The following CDH12 variants were observed in gnomAD, a reference collection of about 807,000 sequenced individuals.
CDH12 encodes cadherin-12.
A neutral mutation model predicts 74.1 loss-of-function variants in CDH12; 41 were observed. That is an observed-to-expected ratio of 0.55 (90% CI 0.43 to 0.72). The LOEUF is 0.72. Ranked by LOEUF, CDH12 falls within the 30% of genes least tolerant of loss-of-function variation. CDH12 has a pLI of 0.00. For missense variants in CDH12, 945 were observed against 977.2 expected (o/e 0.97, Z 0.44); for synonymous variants, 399 against 355.0 (o/e 1.12, Z -1.39).
intron 1 of CDH12, among the ~76,000 whole-genome samples, chr5:22,726,664 G>T (rs1014833310): frequency 6.6e-6 from 1 of 151,766 alleles, no homozygotes; most frequent in Non-Finnish European, 1.5e-5. Context: ...TTATAAGTGT[G>T]TAGTGTCACA....
At chr5:22,558,839 T>A (rs946362461) in intron 1 of CDH12, among the ~76,000 whole-genome samples, 2 of 152,044 alleles carry the variant, frequency 1.3e-5, no homozygotes, top group Non-Finnish European at 2.9e-5. Flanking sequence ...AACAATGTGC[T>A]TTGAAAGAAG....
At chr5:22,282,532 T>C (rs1046945479) in intron 3 of CDH12, among the ~76,000 whole-genome samples, 1 of 151,248 alleles carries the variant, frequency 6.6e-6, no homozygotes, top group Admixed American at 6.6e-5. Context: ...TACAAGGAAC[T>C]TAAATTTACA....
rs184333061 is a variant in CDH12 at position 21,993,642 on chromosome 5, C to T, written c.232-18257G>A. 4.0e-3 allele frequency among the ~76,000 whole-genome samples: 605 copies of T among 152,254 alleles called. 10 individuals are homozygous for T. Among genetic ancestry groups the T allele is most frequent in the African/African-American group, 0.014 (572 of 41,546 alleles). The stretch of plus-strand genomic sequence containing the variant: ...AGAGCAAGGAAGTGTCTTCTATCAA[C>T]AATATGAATTATCTTCAAAGCTGCT... On this transcript the variant is annotated intron_variant, in intron 5 of 14. Coordinates refer to ENST00000382254, the MANE Select transcript of CDH12 (RefSeq NM_004061.5).
chr5:22,793,543 C>T (rs561141325), intron 1 of CDH12, among the ~76,000 whole-genome samples: 2 of 152,286 alleles, frequency 1.3e-5, no homozygotes, highest in East Asian at 1.9e-4. Context: ...TACATTTTAT[C>T]ATAAACTTCT....
chr5:22,813,753 C>G (rs1324650319), intron 1 of CDH12, among the ~76,000 whole-genome samples: 1 of 152,042 alleles, frequency 6.6e-6, no homozygotes, highest in Admixed American at 6.6e-5. Context: ...AGGCCCTAAA[C>G]CAAAGAGCCC....
At chr5:22,476,291 C>G (rs1746165006) in intron 2 of CDH12, among the ~76,000 whole-genome samples, 2 of 151,924 alleles carry the variant, frequency 1.3e-5, no homozygotes, top group African/African-American at 4.8e-5. Flanking sequence ...ATAACCTGAT[C>G]TTGATGCATT....
intron 4 of CDH12, among the ~76,000 whole-genome samples, chr5:22,104,177 T>C (rs1744301843): frequency 6.6e-6 from 1 of 152,192 alleles, no homozygotes; most frequent in South Asian, 2.1e-4. Context: ...CTACATTATA[T>C]TGAGTATACC....
At chr5:22,388,144 A>C (rs1742081405) in intron 3 of CDH12, among the ~76,000 whole-genome samples, 1 of 152,130 alleles carries the variant, frequency 6.6e-6, no homozygotes, top group Non-Finnish European at 1.5e-5. Context: ...TTTGCTTAAT[A>C]CTTCCTGAAA....
At chr5:22,701,488 C>A (rs966500894) in intron 1 of CDH12, among the ~76,000 whole-genome samples, 2 of 152,052 alleles carry the variant, frequency 1.3e-5, no homozygotes, top group Non-Finnish European at 2.9e-5. Flanking sequence ...AATTGAACTT[C>A]TTATAATATC....
intron 5 of CDH12, among the ~76,000 whole-genome samples, chr5:22,073,684 A>T (rs1052315833): frequency 6.6e-6 from 1 of 152,158 alleles, no homozygotes; most frequent in Non-Finnish European, 1.5e-5. Context: ...TTATTTGTAT[A>T]CAAAGTAAAG....
At chr5:22,355,801 AC>A (rs1346227622) in intron 3 of CDH12, among the ~76,000 whole-genome samples, 4 of 152,026 alleles carry the variant, frequency 2.6e-5, no homozygotes, top group African/African-American at 9.7e-5. Context: ...CTGTACAAAT[AC>A]ATACATACAT....
At chr5:22,707,888 C>T (rs1743098689) in intron 1 of CDH12, among the ~76,000 whole-genome samples, 3 of 151,992 alleles carry the variant, frequency 2.0e-5, no homozygotes, top group Non-Finnish European at 4.4e-5. Context: ...CTAAACTAGC[C>T]TCCAAAAACA....
At chr5:22,080,904 C>G (rs138273960) in intron 4 of CDH12, among the ~76,000 whole-genome samples, 1 of 151,896 alleles carries the variant, frequency 6.6e-6, no homozygotes, top group Non-Finnish European at 1.5e-5. Context: ...CTCAGCCTCC[C>G]GAGTAGCTGG....
At chr5:21,922,838 A>T (rs1754412818) in intron 6 of CDH12, among the ~76,000 whole-genome samples, 1 of 152,054 alleles carries the variant, frequency 6.6e-6, no homozygotes, top group Non-Finnish European at 1.5e-5. Context: ...TACAAGGTTG[A>T]TAATTATCTC....
At chr5:22,277,409 T>A (rs544670134) in intron 3 of CDH12, among the ~76,000 whole-genome samples, 2 of 152,262 alleles carry the variant, frequency 1.3e-5, no homozygotes, top group South Asian at 4.1e-4. Flanking sequence ...AAATCTTTCA[T>A]CACTGAACAT....
chr5:22,366,143 G>A (rs1383857044), intron 3 of CDH12, among the ~76,000 whole-genome samples: 1 of 152,022 alleles, frequency 6.6e-6, no homozygotes, highest in Non-Finnish European at 1.5e-5. Flanking sequence ...ATTTTTAGTA[G>A]AGATGGGTTT....
chr5:22,329,655 C>G (rs550810116), intron 3 of CDH12, among the ~76,000 whole-genome samples: 23 of 152,314 alleles, frequency 1.5e-4, no homozygotes, highest in Admixed American at 2.6e-4. Flanking sequence ...TGCCATGCCT[C>G]TCTCATCCCC....
At chr5:22,721,929 G>C (rs1403583673) in intron 1 of CDH12, among the ~76,000 whole-genome samples, 1 of 152,084 alleles carries the variant, frequency 6.6e-6, no homozygotes, top group East Asian at 1.9e-4. Flanking sequence ...TGCCTCCCCA[G>C]CCATGCAGAA....
intron 4 of CDH12, among the ~76,000 whole-genome samples, chr5:22,095,932 C>G (rs1580242519): frequency 6.6e-6 from 1 of 151,790 alleles, no homozygotes. Context: ...ATCTCTGCAC[C>G]CTGATCCCTT....
Sources: allele counts gnomAD v4.1 joint callset (sites outside exome capture counted in the v4.1 genomes callset), GRCh38; gene constraint gnomAD v4.1.1; transcripts MANE v1.5; gene names NCBI Gene and HGNC (gene_info 2026-07-23, HGNC 2026-07-21).